Variants in MBNL1 observed in about 807,000 individuals in gnomAD.
MBNL1 encodes the protein muscleblind like splicing regulator 1, also known as muscleblind-like protein 1.
Under a neutral mutation model 42.2 loss-of-function variants are expected in MBNL1, and 8 were observed. The ratio of observed to expected loss-of-function variants is 0.19; its 90% CI spans 0.11 to 0.34. MBNL1 has a LOEUF of 0.34. MBNL1 is among the 10% of genes least tolerant of loss of function. The probability of loss-of-function intolerance (pLI) is 1.00; values close to 1 mark genes in which losing one functional copy is unlikely to be tolerated. For synonymous variants in MBNL1, 169 were observed against 173.9 expected, an observed-to-expected ratio of 0.97 and a Z score of 0.22; for missense variants, 309 against 495.3, an observed-to-expected ratio of 0.62 and a Z score of 3.57.
Position 152,349,758 on chromosome 3 carries a change from C to CTGTGTG in MBNL1, c.174+49401_174+49406dup, listed in dbSNP as rs149879214. Among the ~76,000 whole-genome samples, 238 of 150,980 alleles carry CTGTGTG rather than the reference C, an allele frequency of 1.6e-3. 4 individuals carry two copies. The East Asian group carries it at 0.031, about 20-fold the overall frequency. ...TTAAAAAGTGGGCACAGTAAATTGT[C>CTGTGTG]TGTGTGTGTGTGTGTATGTGTGTAT... is the stretch of plus-strand genomic sequence containing the variant. On this transcript the variant is annotated intron_variant, in intron 2 of 9. Coordinates refer to ENST00000324210, the MANE Select transcript of MBNL1 (RefSeq NM_021038.5).
At chr3:152,316,729 C>G (rs1234851512) in intron 2 of MBNL1, among the ~76,000 whole-genome samples, 1 of 152,120 alleles carries the variant, frequency 6.6e-6, no homozygotes, top group East Asian at 1.9e-4. Context: ...GTATTTTTGC[C>G]ATGACTTCTC....
intron 2 of MBNL1, among the ~76,000 whole-genome samples, chr3:152,360,290 A>G (rs1199814789): frequency 1.3e-5 from 2 of 152,218 alleles, no homozygotes; most frequent in African/African-American, 4.8e-5. Context: ...ATCATAACAA[A>G]AGCCCCACAC....
rs149995584 is a variant in MBNL1, at chr3:152,323,713, C to T, written c.174+23346C>T. Among the ~76,000 whole-genome samples the T allele has an allele frequency of 6.6e-3, 1,007 of 152,130 alleles. 13 individuals carry two copies. Among genetic ancestry groups the T allele is most frequent in the African/African-American group, 0.022 (917 of 41,522 alleles). ...ATTTGTGTATCAAAACATACTCAAA[C>T]GTAGAAAAGATATTGTGTTGTGCTA... On this transcript the variant is annotated intron_variant, in intron 2 of 9. Transcript: ENST00000324210.
intron 2 of MBNL1, among the ~76,000 whole-genome samples, chr3:152,345,452 G>C (rs755850666): frequency 1.3e-5 from 2 of 152,120 alleles, no homozygotes; most frequent in Non-Finnish European, 2.9e-5. Context: ...AAAGTGAGTA[G>C]TGTTTGGTAA....
intron 2 of MBNL1, among the ~76,000 whole-genome samples, chr3:152,345,381 T>C (rs1195416967): frequency 6.6e-6 from 1 of 152,084 alleles, no homozygotes; most frequent in Non-Finnish European, 1.5e-5. Context: ...GATCTCTCCC[T>C]GAGGAGAATT....
chr3:152,340,365 T>C (rs949793743), intron 2 of MBNL1: 2 of 765,426 alleles, frequency 2.6e-6, no homozygotes, highest in African/African-American at 3.5e-5. Flanking sequence ...TAGTAATCTC[T>C]TGTGGTGTAT....
intron 2 of MBNL1, among the ~76,000 whole-genome samples, chr3:152,365,701 A>G (rs1452383521): frequency 6.6e-6 from 1 of 152,156 alleles, no homozygotes; most frequent in Non-Finnish European, 1.5e-5. Flanking sequence ...CATGAGGTTG[A>G]TAGAAACAGA....
At chr3:152,378,480 CTATATT>C (rs1326966397) in intron 2 of MBNL1, among the ~76,000 whole-genome samples, 2 of 152,006 alleles carry the variant, frequency 1.3e-5, no homozygotes, top group African/African-American at 4.8e-5. Flanking sequence ...TGCTACCTCT[CTATATT>C]TATTTAGGTA....
At chr3:152,450,749 C>T (rs1438334338) in intron 6 of MBNL1, among the ~76,000 whole-genome samples, 1 of 152,196 alleles carries the variant, frequency 6.6e-6, no homozygotes, top group Non-Finnish European at 1.5e-5. Flanking sequence ...CAACCTAACA[C>T]AGTAGCCCTG....
At chr3:152,373,875 G>A (rs556721198) in intron 2 of MBNL1, among the ~76,000 whole-genome samples, 51 of 152,270 alleles carry the variant, frequency 3.3e-4, no homozygotes, top group African/African-American at 1.2e-3. Flanking sequence ...TATAAATGAA[G>A]ATTTTCAAAT....
chr3:152,289,748 T>C (rs1422727213), intron 1 of MBNL1, among the ~76,000 whole-genome samples: 2 of 152,138 alleles, frequency 1.3e-5, no homozygotes, highest in African/African-American at 2.4e-5. Context: ...AATAGAAATA[T>C]CCATAGGATT....
At chr3:152,350,514 C>T (rs2094842296) in intron 2 of MBNL1, among the ~76,000 whole-genome samples, 1 of 152,056 alleles carries the variant, frequency 6.6e-6, no homozygotes, top group Non-Finnish European at 1.5e-5. Flanking sequence ...AGGGTTATTC[C>T]ACTGCAGAAT....
rs1214756510 is a variant in MBNL1 at position 152,315,643 on chromosome 3, TA to T, written c.174+15287del. 2.3e-4 allele frequency among the ~76,000 whole-genome samples: 34 copies of T among 148,546 alleles called. No homozygotes were observed. The Middle Eastern group carries it at 0.01, about 45-fold the overall frequency. Reference sequence around the variant, plus strand: ...AGCTTTAGACAATTCACACTTAATGTAAAAAAAAAAATTAACCTTCAGAATG... The same window carrying T: ...AGCTTTAGACAATTCACACTTAATGTAAAAAAAAAATTAACCTTCAGAATG... On this transcript the variant is annotated intron_variant, in intron 2 of 9. Transcript: ENST00000324210.
intron 2 of MBNL1, chr3:152,341,081 C>T (rs191054252): frequency 2.5e-5 from 17 of 693,580 alleles, no homozygotes; most frequent in African/African-American, 1.5e-4. Flanking sequence ...AAGTTTATTC[C>T]CTCTAGACTT....
chr3:152,338,519 A>G, intron 2 of MBNL1: 1 of 985,068 alleles, frequency 1.0e-6, no homozygotes, highest in East Asian at 1.1e-4. Flanking sequence ...TGCTGTCAAA[A>G]CCCTGAAACT....
chr3:152,363,964 TGA>T (rs1156842351), intron 2 of MBNL1, among the ~76,000 whole-genome samples: 1 of 152,198 alleles, frequency 6.6e-6, no homozygotes, highest in East Asian at 1.9e-4. Flanking sequence ...AAATTAAGAA[TGA>T]GATTGATCCT....
At chr3:152,317,737 A>T (rs1335972595) in intron 2 of MBNL1, among the ~76,000 whole-genome samples, 4 of 152,194 alleles carry the variant, frequency 2.6e-5, no homozygotes, top group African/African-American at 7.2e-5. Flanking sequence ...AGAATCTGTA[A>T]ACCCACAAAC....
chr3:152,285,670 C>G (rs1418952445), intron 1 of MBNL1, among the ~76,000 whole-genome samples: 1 of 147,070 alleles, frequency 6.8e-6, no homozygotes, highest in Non-Finnish European at 1.5e-5. Context: ...CCTCTGTTGC[C>G]CAGGCTGGAG....
intron 1 of MBNL1, among the ~76,000 whole-genome samples, chr3:152,272,871 C>T (rs2042709746): frequency 6.6e-6 from 1 of 152,080 alleles, no homozygotes; most frequent in African/African-American, 2.4e-5. Flanking sequence ...GTACATTTTG[C>T]CATTCACAGT....
Sources: allele counts gnomAD v4.1 joint callset (sites outside exome capture counted in the v4.1 genomes callset), GRCh38; gene constraint gnomAD v4.1.1; transcripts MANE v1.5; gene names NCBI Gene and HGNC (gene_info 2026-07-23, HGNC 2026-07-21).